Variants in SOX6 observed in about 807,000 individuals in gnomAD.
The protein encoded by SOX6 is SRY-box transcription factor 6, also known as transcription factor SOX-6.
SOX6 carries 11 observed loss-of-function variants against 97.8 expected under a neutral mutation model. The ratio of observed to expected loss-of-function variants is 0.11; its 90% CI spans 0.07 to 0.19. The LOEUF (loss-of-function observed/expected upper bound fraction) is 0.19, where lower values mean the gene tolerates loss of function less well. SOX6 is among the 10% of genes least tolerant of loss of function. SOX6 has a pLI of 1.00. For synonymous variants in SOX6, 360 were observed against 371.4 expected (o/e 0.97, Z 0.35); for missense variants, 810 against 1,039.5 (o/e 0.78, Z 3.04).
intron 15 of SOX6, among the ~76,000 whole-genome samples, chr11:15,985,212 G>T (rs747133131): frequency 2.6e-5 from 4 of 152,166 alleles, no homozygotes; most frequent in Non-Finnish European, 5.9e-5. Context: ...TACCTCTTGA[G>T]TGCCCTTAAA....
chr11:16,177,621 A>ATCTCTCTCTCTCTCTCTCTCTC (rs71044087), intron 6 of SOX6, among the ~76,000 whole-genome samples: 4 of 145,656 alleles, frequency 2.7e-5, no homozygotes, highest in African/African-American at 1.0e-4. Flanking sequence ...GAATAAGATG[A>ATCTCTCTCTCTCTCTCTCTCTC]TCTCTCTCTC....
chr11:16,698,993 TG>T lies in SOX6; in HGVS notation n.429+15836del, dbSNP rs1848073387. Reference sequence around the variant, plus strand: ...ACACAGATATGAAGTGAGCATATATTGTTAGAAAAATGGCACTGACAGACTT... The same window carrying T: ...ACACAGATATGAAGTGAGCATATATTTTAGAAAAATGGCACTGACAGACTT... On this transcript the variant is annotated intron_variant and non_coding_transcript_variant, in intron 3 of 5. Coordinates refer to the SOX6 transcript ENST00000524520. Among the ~76,000 whole-genome samples the T allele has an allele frequency of 2.0e-5, 3 of 152,322 alleles. No homozygotes were observed. In the South Asian group the frequency reaches 6.2e-4, roughly 32 times the overall value.
At chr11:16,164,738 A>T (rs6486274) in intron 6 of SOX6, among the ~76,000 whole-genome samples, 3 of 151,664 alleles carry the variant, frequency 2.0e-5, no homozygotes, top group Non-Finnish European at 4.4e-5. Context: ...CAGGAGAATC[A>T]CTTGAACCTG....
At chr11:16,063,445 A>C (rs1322869279) in intron 9 of SOX6, among the ~76,000 whole-genome samples, 14 of 142,664 alleles carry the variant, frequency 9.8e-5, no homozygotes, top group African/African-American at 3.6e-4. Context: ...AGCCAAACTG[A>C]TGTCAAATTA....
chr11:16,559,283 T>G (rs1028927994), intron 4 of SOX6, among the ~76,000 whole-genome samples: 1 of 152,128 alleles, frequency 6.6e-6, no homozygotes, highest in Admixed American at 6.6e-5. Flanking sequence ...ACTTGAAAGT[T>G]TCTTTAAGAC....
chr11:16,695,490 A>G (rs1848046817), intron 3 of SOX6, among the ~76,000 whole-genome samples: 1 of 152,210 alleles, frequency 6.6e-6, no homozygotes, highest in African/African-American at 2.4e-5. Context: ...ATAAATCACC[A>G]TGCATTTTAA....
chr11:16,565,858 A>G (rs1043681521), intron 4 of SOX6, among the ~76,000 whole-genome samples: 2 of 152,104 alleles, frequency 1.3e-5, no homozygotes, highest in Non-Finnish European at 2.9e-5. Context: ...GCACTTTGGG[A>G]GGCCAAGGTG....
chr11:16,239,071 T>C (rs1311472623), intron 3 of SOX6, among the ~76,000 whole-genome samples: 1 of 152,056 alleles, frequency 6.6e-6, no homozygotes, highest in Non-Finnish European at 1.5e-5. Flanking sequence ...CATTTTTCAT[T>C]AGGAAACACA....
At chr11:16,513,548 G>C (rs2133153293) in intron 4 of SOX6, among the ~76,000 whole-genome samples, 1 of 152,312 alleles carries the variant, frequency 6.6e-6, no homozygotes, top group African/African-American at 2.4e-5. Context: ...CAAGAGAATT[G>C]CTTGAACCCG....
At chr11:16,040,661 A>G (rs1855637426) in intron 12 of SOX6, among the ~76,000 whole-genome samples, 1 of 152,064 alleles carries the variant, frequency 6.6e-6, no homozygotes, top group South Asian at 2.1e-4. Flanking sequence ...TTGATGTTTG[A>G]AACTCAGATG....
intron 3 of SOX6, among the ~76,000 whole-genome samples, chr11:16,240,026 T>C (rs1271371422): frequency 1.3e-5 from 2 of 152,098 alleles, no homozygotes; most frequent in Non-Finnish European, 2.9e-5. Flanking sequence ...TCTGTTTCCT[T>C]TGTTTACTCA....
intron 3 of SOX6, among the ~76,000 whole-genome samples, chr11:16,288,341 CT>C (rs780076938): frequency 6.6e-6 from 1 of 151,996 alleles, no homozygotes; most frequent in Non-Finnish European, 1.5e-5. Flanking sequence ...TCCACATGAC[CT>C]GGTGAACCTG....
At chr11:16,700,008 T>C (rs903489833) in intron 3 of SOX6, among the ~76,000 whole-genome samples, 2 of 151,938 alleles carry the variant, frequency 1.3e-5, no homozygotes, top group African/African-American at 4.8e-5. Flanking sequence ...ATCTAGTGTG[T>C]GGGAAGCCAT....
At chr11:16,618,263 T>A (rs1037199308) in intron 3 of SOX6, among the ~76,000 whole-genome samples, 1 of 151,946 alleles carries the variant, frequency 6.6e-6, no homozygotes, top group African/African-American at 2.4e-5. Context: ...CACATTTCAA[T>A]ATGGAATATG....
chr11:16,563,315 C>T (rs568499573), intron 4 of SOX6, among the ~76,000 whole-genome samples: 12 of 152,088 alleles, frequency 7.9e-5, no homozygotes, highest in Non-Finnish European at 1.5e-4. Context: ...CGGGTTGGTG[C>T]ATGCGTTTAG....
chr11:16,114,676 C>T (rs911996888), intron 6 of SOX6, among the ~76,000 whole-genome samples: 2 of 152,168 alleles, frequency 1.3e-5, no homozygotes, highest in Admixed American at 6.5e-5. Context: ...TAGCAGACAA[C>T]ATGCCTCACA....
chr11:16,520,660 C>T (rs543026062), intron 4 of SOX6, among the ~76,000 whole-genome samples: 3 of 152,324 alleles, frequency 2.0e-5, no homozygotes, highest in South Asian at 4.1e-4. Flanking sequence ...ATGTGCGAGC[C>T]GAAGCAGGGC....
chr11:16,146,441 G>A (rs913131308), intron 6 of SOX6, among the ~76,000 whole-genome samples: 5 of 152,108 alleles, frequency 3.3e-5, no homozygotes, highest in African/African-American at 7.2e-5. Context: ...CATAGGCATG[G>A]GCAAGGACTT....
chr11:16,354,219 T>A (rs1436194745), intron 1 of SOX6, among the ~76,000 whole-genome samples: 1 of 152,022 alleles, frequency 6.6e-6, no homozygotes, highest in African/African-American at 2.4e-5. Context: ...TGTGAAGAGA[T>A]TAATTTGATA....
Sources: gnomAD v4.1 joint callset for allele counts (sites outside exome capture counted in the v4.1 genomes callset) on GRCh38, gnomAD v4.1.1 for gene constraint, MANE v1.5 for transcripts, NCBI Gene and HGNC (gene_info 2026-07-23, HGNC 2026-07-21) for gene names.